The following NIPAL3 variants were observed in gnomAD, a reference collection of about 807,000 sequenced individuals.
NIPAL3 encodes the protein NIPA like domain containing 3.
Under a neutral mutation model 47.2 loss-of-function variants are expected in NIPAL3, and 41 were observed. That is an observed-to-expected ratio of 0.87 (90% CI 0.68 to 1.13). The LOEUF is 1.13. Among genes scored for constraint, NIPAL3 ranks in the 50% most tolerant of loss-of-function variants. The pLI is 0.00. For missense variants in NIPAL3, 449 were observed against 530.1 expected, an observed-to-expected ratio of 0.85 and a Z score of 1.50; for synonymous variants, 194 against 209.6, an observed-to-expected ratio of 0.93 and a Z score of 0.64.
chr1:24,432,262 G>T (rs1407693297), intron 2 of NIPAL3, among the ~76,000 whole-genome samples: 1 of 152,170 alleles, frequency 6.6e-6, no homozygotes, highest in East Asian at 1.9e-4. Context: ...CGAGTAGCTG[G>T]AATTACAGGC....
chr1:24,441,971 T>A, intron 3 of NIPAL3, 84 bp from the exon 4 acceptor site: 1 of 1,410,250 alleles, frequency 7.1e-7, no homozygotes, highest in Non-Finnish European at 9.8e-7. Flanking sequence ...TATTTGCAAG[T>A]TGGGGGTGGA....
In NIPAL3 at chr1:24,449,061, T is replaced by C. The variant is rs542247696; in HGVS notation, c.395-420T>C. 1.3e-5 allele frequency among the ~76,000 whole-genome samples: 2 copies of C among 152,198 alleles called. No homozygotes were observed. The highest frequency in any genetic ancestry group is 4.1e-4 in the South Asian group (2 of 4,832). ...AAAGAGATCACACCGTATGGGTCCA[T>C]TTGTATAAAGCACAAAGCTAGGCAA... is the stretch of plus-strand genomic sequence containing the variant. On this transcript the variant is annotated intron_variant, in intron 5 of 11. Transcript: ENST00000374399. The surrounding 1 kb of genome is among the most constrained non-coding windows in gnomAD (Gnocchi z 4.5).
At chr1:24,459,945 G>A (rs778061506) in intron 9 of NIPAL3, among the ~76,000 whole-genome samples, 37 of 152,302 alleles carry the variant, frequency 2.4e-4, no homozygotes, top group Non-Finnish European at 4.1e-4. Context: ...CAGGGCAGGC[G>A]CAGTAGGCCC....
intron 5 of NIPAL3, among the ~76,000 whole-genome samples, chr1:24,448,427 G>A (rs1645775386): frequency 6.6e-6 from 1 of 151,998 alleles, no homozygotes. Context: ...AATATTGATA[G>A]TAATTATATA....
In NIPAL3 at chr1:24,470,527, A is replaced by G. The variant is rs1646869430; in HGVS notation, c.*1342A>G. On this transcript the variant is annotated 3_prime_UTR_variant, in exon 12 of 12. Transcript: ENST00000374399. ...ACAAAGATGTTCTGCTAAAACCCCC[A>G]GGGCCCCATGCAGTCTTGCTAGAAA... 1.3e-5 allele frequency: 2 copies of G among 152,180 alleles called. No individual in the cohort carries two copies. The highest frequency in any genetic ancestry group is 2.1e-4 in the South Asian group (1 of 4,828). The allele number at this position is 152,180 out of a possible 1,614,324, so 9.4% of individuals were successfully genotyped here.
rs548024254 is a variant in NIPAL3 at position 24,456,078 on chromosome 1, C to T, written c.638-60C>T. 70 of 1,601,792 alleles carry T rather than the reference C, an allele frequency of 4.4e-5. No individual in the cohort carries two copies. In the East Asian group the frequency reaches 5.4e-4, roughly 12 times the overall value. ...CCTTTGGGGTTATAGACTGGCTTTC[C>T]GGACCTAACTCTCTGCATTTCCCTG... On this transcript the variant is annotated intron_variant, in intron 7 of 11. Transcript: ENST00000374399.
rs949610538 is a variant in NIPAL3 at position 24,451,308 on chromosome 1, T to C, written c.540+1682T>C. Among the ~76,000 whole-genome samples the C allele has an allele frequency of 1.3e-5, 2 of 152,184 alleles. No individual in the cohort carries two copies. Among genetic ancestry groups the C allele is most frequent in the African/African-American group, 2.4e-5 (1 of 41,442 alleles). On this transcript the variant is annotated intron_variant, in intron 6 of 11. Coordinates refer to ENST00000374399, the MANE Select transcript of NIPAL3 (RefSeq NM_020448.5). The surrounding 1 kb of genome is among the most constrained non-coding windows in gnomAD (Gnocchi z 4.5). ...ATGGTTATAAAAAATAAATGAGACA[T>C]GCCCACAGTACTCACGGACTGTTGG...
rs1234212303 is a variant in NIPAL3 at position 24,468,979 on chromosome 1, A to G, written c.1022-7A>G. 1 of 1,613,678 alleles carries G rather than the reference A, an allele frequency of 6.2e-7. No individual in the cohort carries two copies. The highest frequency in any genetic ancestry group is 8.5e-7 in the Non-Finnish European group (1 of 1,179,818). On this transcript the variant is annotated splice_polypyrimidine_tract_variant and splice_region_variant and intron_variant, in intron 11 of 11. Transcript: ENST00000374399. ...TAATGATTTGGAGAAAATGGATTTC[A>G]TTTCAGGTATGCAGAACATGCACGA...
At chr1:24,437,224 C>G (rs1306173323) in intron 2 of NIPAL3, among the ~76,000 whole-genome samples, 1 of 152,052 alleles carries the variant, frequency 6.6e-6, no homozygotes, top group African/African-American at 2.4e-5. Flanking sequence ...TGCACTCCAG[C>G]CTGGGCGACA....
rs778031027 is a variant in NIPAL3, at chr1:24,458,913, T to C, written c.799T>C (p.Tyr267His). The change falls in exon 9 of 12, where the codon TAC becomes CAC. Residue 267 changes from tyrosine (Y) to histidine (H), a missense_variant. Transcript: ENST00000374399. ...GTTTTTGAGTCAAGCCTCACAGATG[T>C]ACGACTCCTCTTTGATTGCCAGTGT... ...AAFLSQASQM[Y>H]DSSLIASVGY... The C allele has an allele frequency of 5.0e-6, 8 of 1,614,164 alleles. No homozygotes were observed. The highest frequency in any genetic ancestry group is 2.2e-5 in the South Asian group (2 of 91,088).
At chr1:24,422,734 A>C (rs1644389843) in intron 2 of NIPAL3, among the ~76,000 whole-genome samples, 1 of 152,224 alleles carries the variant, frequency 6.6e-6, no homozygotes, top group African/African-American at 2.4e-5. Context: ...TCTTAGCAGC[A>C]CTGATATTCA....
chr1:24,460,830 C>T (rs925358858), intron 10 of NIPAL3, among the ~76,000 whole-genome samples: 1 of 152,200 alleles, frequency 6.6e-6, no homozygotes, highest in Non-Finnish European at 1.5e-5. Flanking sequence ...ATTGAAGCTA[C>T]ATGAGATACC....
At chr1:24,456,849 G>C (rs112643712) in intron 8 of NIPAL3, among the ~76,000 whole-genome samples, 24 of 152,238 alleles carry the variant, frequency 1.6e-4, no homozygotes, top group African/African-American at 5.1e-4. Flanking sequence ...TGTAACCTCT[G>C]CCTCTGGGGT....
At chr1:24,437,635 A>G (rs1294840297) in intron 2 of NIPAL3, among the ~76,000 whole-genome samples, 1 of 151,758 alleles carries the variant, frequency 6.6e-6, no homozygotes, top group East Asian at 1.9e-4. Context: ...CTGAGGAGCG[A>G]CAACTAATGA....
intron 5 of NIPAL3, among the ~76,000 whole-genome samples, 200 bp downstream of exon 5, chr1:24,445,444 G>A (rs1385187230): frequency 6.6e-6 from 1 of 152,102 alleles, no homozygotes; most frequent in African/African-American, 2.4e-5. Flanking sequence ...AATCATCGGT[G>A]AGGCTTTTAA....
At position 24,418,111 on chromosome 1, in the gene NIPAL3, G is replaced by A. The variant is rs57120456; in HGVS notation, c.-257-1180G>A. Among the ~76,000 whole-genome samples the A allele has an allele frequency of 5.7e-3, 869 of 152,298 alleles. 10 individuals are homozygous for A. The highest frequency in any genetic ancestry group is 0.019 in the African/African-American group (804 of 41,544). ...GGAACATTATTATCTATATTTCACA[G>A]CTGGAGAAACTGGCTGAAAAGTTAA... On this transcript the variant is annotated intron_variant, in intron 1 of 11. Transcript: ENST00000374399.
chr1:24,424,425 C>G (rs1460721786), intron 2 of NIPAL3, among the ~76,000 whole-genome samples: 1 of 152,198 alleles, frequency 6.6e-6, no homozygotes, highest in Non-Finnish European at 1.5e-5. Flanking sequence ...AAATATGTGA[C>G]TCAGAAATGC....
chr1:24,451,961 A>G lies in NIPAL3; in HGVS notation c.541-1447A>G, dbSNP rs1236887761. 4.6e-5 allele frequency among the ~76,000 whole-genome samples: 7 copies of G among 152,214 alleles called. No homozygotes were observed. The highest frequency in any genetic ancestry group is 1.0e-4 in the Non-Finnish European group (7 of 68,024). On this transcript the variant is annotated intron_variant, in intron 6 of 11. Transcript: ENST00000374399. The surrounding 1 kb of genome is among the most constrained non-coding windows in gnomAD (Gnocchi z 4.5). ...ATATGGATTCACTGGAACAAAGACA[A>G]AGAAGAAACGGGGAAATGAAAGCAG... is the stretch of plus-strand genomic sequence containing the variant.
intron 2 of NIPAL3, among the ~76,000 whole-genome samples, chr1:24,428,751 G>T (rs565984652): frequency 6.6e-6 from 1 of 152,118 alleles, no homozygotes; most frequent in Admixed American, 6.5e-5. Flanking sequence ...CCTTCCAAGG[G>T]CAATGGGGAA....
Sources: gnomAD v4.1 joint callset for allele counts (sites outside exome capture counted in the v4.1 genomes callset) on GRCh38, gnomAD v4.1.1 for gene constraint, Gnocchi (gnomAD v3.1) non-coding constraint, MANE v1.5 for transcripts, NCBI Gene and HGNC (gene_info 2026-07-23, HGNC 2026-07-21) for gene names.